The following PHACTR2 variants were observed in gnomAD, a reference collection of about 807,000 sequenced individuals.
The protein encoded by PHACTR2 is phosphatase and actin regulator 2.
In PHACTR2, 30 loss-of-function variants were observed where a neutral mutation model predicts 76.0. The observed-to-expected ratio is 0.39, with a 90% CI of 0.30 to 0.54. The LOEUF is 0.54. Among genes scored for constraint, PHACTR2 ranks in the 20% least tolerant of loss-of-function variants. The pLI, the probability that PHACTR2 is intolerant of heterozygous loss-of-function variation, is 0.61. For synonymous variants in PHACTR2, 292 were observed against 292.5 expected (o/e 1.00, Z 0.02); for missense variants, 696 against 781.1 (o/e 0.89, Z 1.30).
chr6:143,584,573 C>T (rs753406616), intron 1 of PHACTR2, among the ~76,000 whole-genome samples: 4 of 152,172 alleles, frequency 2.6e-5, no homozygotes, highest in Non-Finnish European at 5.9e-5. Context: ...TAGAAGACCT[C>T]AGAAGGTCCA....
Position 143,732,232 on chromosome 6 carries a change from A to G in PHACTR2, c.215-16753A>G, listed in dbSNP as rs542621140. On this transcript the variant is annotated intron_variant, in intron 2 of 12. Transcript: ENST00000440869. ...CATGAGCTGTGAAACCATCACCACA[A>G]TCAATTTTAAACATTTCCATCACTC... is the stretch of plus-strand genomic sequence containing the variant. Among the ~76,000 whole-genome samples, 38 of 152,342 alleles carry G rather than the reference A, an allele frequency of 2.5e-4. 1 individual carries two copies. Among genetic ancestry groups the G allele is most frequent in the Admixed American group, 2.1e-3 (32 of 15,310 alleles).
At chr6:143,744,961 CT>C (rs1346926510) in intron 2 of PHACTR2, among the ~76,000 whole-genome samples, 1 of 152,150 alleles carries the variant, frequency 6.6e-6, no homozygotes, top group Non-Finnish European at 1.5e-5. Flanking sequence ...AAAAAAAGCT[CT>C]TATGCTTTTC....
rs1322732818 is a variant in PHACTR2, at chr6:143,816,602, G to T, written c.1923-7072G>T. Among the ~76,000 whole-genome samples, 1 of 140,634 alleles carries T rather than the reference G, an allele frequency of 7.1e-6. No individual in the cohort carries two copies. Among genetic ancestry groups the T allele is most frequent in the Non-Finnish European group, 1.6e-5 (1 of 61,974 alleles). The allele number at this position is 140,634 out of a possible 152,430, so 92.3% of individuals were successfully genotyped here. A position where few individuals can be genotyped will look rare whatever the true frequency, so the allele number is the denominator to read the frequency against. On this transcript the variant is annotated intron_variant, in intron 12 of 12. Coordinates refer to ENST00000440869, the MANE Select transcript of PHACTR2 (RefSeq NM_001100164.2). The surrounding 1 kb of genome is among the most constrained non-coding windows in gnomAD (Gnocchi z 4.5). ...TTTCCTAGCCAGCCCTTGAAGCTGT[G>T]TTGGTGGCCTGTGACCTTCCAATGC...
At chr6:143,715,112 G>A (rs907553743) in intron 2 of PHACTR2, among the ~76,000 whole-genome samples, 1 of 152,018 alleles carries the variant, frequency 6.6e-6, no homozygotes, top group Non-Finnish European at 1.5e-5. Context: ...TCTGTGTCCT[G>A]TATTCACCGA....
At chr6:143,564,436 T>G (rs1460837350) in intron 1 of PHACTR2, among the ~76,000 whole-genome samples, 1 of 151,990 alleles carries the variant, frequency 6.6e-6, no homozygotes, top group Non-Finnish European at 1.5e-5. Flanking sequence ...AGTCATTTTA[T>G]TTATTTTATT....
In PHACTR2 at chr6:143,697,032, A is replaced by T. The variant is rs1562273452; in HGVS notation, c.47-14984A>T. On this transcript the variant is annotated intron_variant, in intron 1 of 12. Coordinates refer to ENST00000440869, the MANE Select transcript of PHACTR2 (RefSeq NM_001100164.2). The surrounding 1 kb of genome is among the most constrained non-coding windows in gnomAD (Gnocchi z 4.4). ...ACAACACTGGGCTATTATGCAAGGT[A>T]GTTCTACCTTGTAGTTCCGATATAT... Among the ~76,000 whole-genome samples, 1 of 152,244 alleles carries T rather than the reference A, an allele frequency of 6.6e-6. No individual in the cohort carries two copies. Among genetic ancestry groups the T allele is most frequent in the African/African-American group, 2.4e-5 (1 of 41,466 alleles).
In PHACTR2 at chr6:143,730,990, C is replaced by T. The variant is rs559396887; in HGVS notation, c.215-17995C>T. Among the ~76,000 whole-genome samples the T allele has an allele frequency of 2.4e-4, 36 of 152,206 alleles. No individual in the cohort carries two copies. The highest frequency in any genetic ancestry group is 7.5e-4 in the African/African-American group (31 of 41,506). ...GTCTGGAATTCCTGACAACATGATC[C>T]GCCTGCCTCAGCCTTCAAAAGTGCT... On this transcript the variant is annotated intron_variant, in intron 2 of 12. Transcript: ENST00000440869. The surrounding 1 kb of genome is among the most constrained non-coding windows in gnomAD (Gnocchi z 4.8).
chr6:143,772,249 C>G lies in PHACTR2; in HGVS notation c.1233-9C>G. ...TCACATCACTCCCATGCTTTTCTGC[C>G]TTTAACAGTTTCACAACCAAAGAGG... On this transcript the variant is annotated splice_polypyrimidine_tract_variant and intron_variant, in intron 6 of 12. Coordinates refer to ENST00000440869, the MANE Select transcript of PHACTR2 (RefSeq NM_001100164.2). The surrounding 1 kb of genome is among the most constrained non-coding windows in gnomAD (Gnocchi z 5.4). The G allele has an allele frequency of 6.2e-7, 1 of 1,609,026 alleles. No homozygotes were observed.
At chr6:143,745,125 G>A (rs1226454416) in intron 2 of PHACTR2, among the ~76,000 whole-genome samples, 1 of 152,188 alleles carries the variant, frequency 6.6e-6, no homozygotes, top group African/African-American at 2.4e-5. Context: ...TGGTTGTGCT[G>A]TAGCTGTGGT....
Position 143,662,366 on chromosome 6 carries a change from T to C in PHACTR2, c.14-49650T>C, listed in dbSNP as rs1346689676. Among the ~76,000 whole-genome samples, 1 of 152,168 alleles carries C rather than the reference T, an allele frequency of 6.6e-6. No homozygotes were observed. Among genetic ancestry groups the C allele is most frequent in the Non-Finnish European group, 1.5e-5 (1 of 68,032 alleles). Reference sequence around the variant, plus strand: ...ACATAAAAGTAAAGAAGAGATGAAGTTAAGCCTGTTAAATATAAGAAACTA... The same window carrying C: ...ACATAAAAGTAAAGAAGAGATGAAGCTAAGCCTGTTAAATATAAGAAACTA... On this transcript the variant is annotated intron_variant, in intron 1 of 11. Coordinates refer to the PHACTR2 transcript ENST00000305766. The surrounding 1 kb of genome is among the most constrained non-coding windows in gnomAD (Gnocchi z 4.7).
rs1255505124 is a variant in PHACTR2 at position 143,618,616 on chromosome 6, T to C, written c.13+10294T>C. On this transcript the variant is annotated intron_variant, in intron 1 of 11. Coordinates refer to the PHACTR2 transcript ENST00000305766. The surrounding 1 kb of genome is among the most constrained non-coding windows in gnomAD (Gnocchi z 5.2). ...ACTGGCAGGGGAGGCTGGGGGGGGA[T>C]AGGGGTTGAATGTTTCCCTAACTGC... Among the ~76,000 whole-genome samples, 2 of 149,406 alleles carry C rather than the reference T, an allele frequency of 1.3e-5. No individual in the cohort carries two copies. Among genetic ancestry groups the C allele is most frequent in the African/African-American group, 2.5e-5 (1 of 40,658 alleles).
chr6:143,642,046 G>C (rs542543938), intron 1 of PHACTR2, among the ~76,000 whole-genome samples: 1 of 152,102 alleles, frequency 6.6e-6, no homozygotes, highest in African/African-American at 2.4e-5. Context: ...ACACTGTAGC[G>C]CCTCTTTAAT....
Position 143,548,696 on chromosome 6 carries a change from T to C in PHACTR2, c.217+11489T>C, listed in dbSNP as rs1254942956. Among the ~76,000 whole-genome samples, 1 of 151,980 alleles carries C rather than the reference T, an allele frequency of 6.6e-6. No individual in the cohort carries two copies. The highest frequency in any genetic ancestry group is 2.4e-5 in the African/African-American group (1 of 41,400). On this transcript the variant is annotated intron_variant, in intron 1 of 11. Coordinates refer to the PHACTR2 transcript ENST00000367584. This position sits in a 1 kb window ranked among gnomAD's most constrained non-coding sequence, Gnocchi z 4.5. Reference sequence around the variant, plus strand: ...AAACACAACAAAAGCATTCATTACCTCCTTGTACCTGGGGCCCGGGGAGGT... The same window carrying C: ...AAACACAACAAAAGCATTCATTACCCCCTTGTACCTGGGGCCCGGGGAGGT...
chr6:143,624,367 A>C lies in PHACTR2; in HGVS notation c.13+16045A>C, dbSNP rs1776216692. 6.6e-6 allele frequency among the ~76,000 whole-genome samples: 1 copy of C among 152,126 alleles called. No individual in the cohort carries two copies. The highest frequency in any genetic ancestry group is 2.4e-5 in the African/African-American group (1 of 41,422). ...GGTGATCCACCCACCTTGGCCTCCTAAAGTGCTAGGATTACAGGCGTGAGC... is the reference window on the plus strand; with the variant it reads ...GGTGATCCACCCACCTTGGCCTCCTCAAGTGCTAGGATTACAGGCGTGAGC... On this transcript the variant is annotated intron_variant, in intron 1 of 11. Transcript: ENST00000305766. The surrounding 1 kb of genome is among the most constrained non-coding windows in gnomAD (Gnocchi z 4.6).
rs1182069835 is a variant in PHACTR2, at chr6:143,570,300, T to C, written c.217+33093T>C. On this transcript the variant is annotated intron_variant, in intron 1 of 11. Coordinates refer to the PHACTR2 transcript ENST00000367584. The surrounding 1 kb of genome is among the most constrained non-coding windows in gnomAD (Gnocchi z 4.6). ...TGAGTCACAGGTGAAGCCCCATTTG[T>C]TTTTCCATTCAGCCACCCGCTGGCC... Among the ~76,000 whole-genome samples the C allele has an allele frequency of 2.0e-5, 3 of 152,180 alleles. No homozygotes were observed. Among genetic ancestry groups the C allele is most frequent in the Non-Finnish European group, 4.4e-5 (3 of 68,032 alleles).
chr6:143,797,424 C>T (rs1031025226), intron 11 of PHACTR2, among the ~76,000 whole-genome samples: 15 of 152,114 alleles, frequency 9.9e-5, no homozygotes, highest in Admixed American at 3.3e-4. Flanking sequence ...ATTAGATCCC[C>T]GTTTGTCAAT....
At chr6:143,544,436 C>T (rs1383662384) in intron 1 of PHACTR2, among the ~76,000 whole-genome samples, 1 of 152,128 alleles carries the variant, frequency 6.6e-6, no homozygotes, top group Admixed American at 6.5e-5. Context: ...TCTGTGTAAT[C>T]TTAGGACAGA....
At chr6:143,559,449 A>G (rs1775229296) in intron 1 of PHACTR2, among the ~76,000 whole-genome samples, 1 of 152,166 alleles carries the variant, frequency 6.6e-6, no homozygotes, top group Non-Finnish European at 1.5e-5. Flanking sequence ...GTGATGCTAC[A>G]TATATCAATG....
In PHACTR2 at chr6:143,827,442, T is replaced by G. The variant is rs1275252039; in HGVS notation, c.*3753T>G. 1 of 151,892 alleles carries G rather than the reference T, an allele frequency of 6.6e-6. No individual in the cohort carries two copies. Among genetic ancestry groups the G allele is most frequent in the East Asian group, 1.9e-4 (1 of 5,160 alleles). The allele number at this position is 151,892 out of a possible 1,614,324, so 9.4% of individuals were successfully genotyped here. ...TCTTCCTTTCCTGCCCAAAAATTTC[T>G]TCAGTCTGTTATTATTTTTAAGTGC... is the stretch of plus-strand genomic sequence containing the variant. On this transcript the variant is annotated 3_prime_UTR_variant, in exon 13 of 13. Coordinates refer to ENST00000440869, the MANE Select transcript of PHACTR2 (RefSeq NM_001100164.2).
Sources: gnomAD v4.1 joint callset for allele counts (sites outside exome capture counted in the v4.1 genomes callset) on GRCh38, gnomAD v4.1.1 for gene constraint, Gnocchi (gnomAD v3.1) non-coding constraint, MANE v1.5 for transcripts, NCBI Gene and HGNC (gene_info 2026-07-23, HGNC 2026-07-21) for gene names.